The following DAB2IP variants were observed in gnomAD, a reference collection of about 807,000 sequenced individuals.
The protein encoded by DAB2IP is disabled homolog 2-interacting protein.
In DAB2IP, 28 loss-of-function variants were observed where a neutral mutation model predicts 107.2. That is an observed-to-expected ratio of 0.26 (90% CI 0.19 to 0.36). DAB2IP has a LOEUF of 0.36. Ranked by LOEUF, DAB2IP falls within the 10% of genes least tolerant of loss-of-function variation. DAB2IP has a pLI of 1.00. For missense variants in DAB2IP, 1,400 were observed against 1,644.7 expected (o/e 0.85, Z 2.57); for synonymous variants, 755 against 706.4 (o/e 1.07, Z -1.09).
chr9:121,728,720 G>A (rs572880575), intron 3 of DAB2IP, among the ~76,000 whole-genome samples: 3 of 152,060 alleles, frequency 2.0e-5, no homozygotes, highest in Non-Finnish European at 2.9e-5. Context: ...GGGCTGGGCA[G>A]GGGCTTCTTG....
chr9:121,580,582 G>A (rs948039884), intron 1 of DAB2IP, among the ~76,000 whole-genome samples: 5 of 152,048 alleles, frequency 3.3e-5, no homozygotes, highest in Admixed American at 3.3e-4. Context: ...GGAACCACAG[G>A]GGAAAGGCCT....
At chr9:121,620,395 A>G (rs1831421387) in intron 1 of DAB2IP, among the ~76,000 whole-genome samples, 1 of 152,180 alleles carries the variant, frequency 6.6e-6, no homozygotes. Context: ...CAGTGGTTAA[A>G]GGTGTGTGTG....
Position 121,678,782 on chromosome 9 carries a change from G to T in DAB2IP, c.228+1G>T. ...GGCCGCCACGCCGTTCCGGGTCACG[G>T]TAACTATCTCTGCGTCACCAACACC... On this transcript the variant is annotated splice_donor_variant, in intron 2 of 15. Coordinates refer to ENST00000408936, the Ensembl canonical transcript of DAB2IP. LOFTEE classifies it high-confidence loss of function. 1.3e-6 allele frequency: 2 copies of T among 1,581,784 alleles called. No individual in the cohort carries two copies. The highest frequency in any genetic ancestry group is 1.7e-6 in the Non-Finnish European group (2 of 1,162,594).
Position 121,762,786 on chromosome 9 carries a change from G to C in DAB2IP, c.1171-719G>C, listed in dbSNP as rs117234508. 9.8e-5 allele frequency among the ~76,000 whole-genome samples: 15 copies of C among 152,338 alleles called. No individual in the cohort carries two copies. In the East Asian group the frequency reaches 2.9e-3, roughly 29 times the overall value. ...AGGAGGTGGGGGCTTCTGAGGGAGG[G>C]TGTTAGTATCTGCATGGTTGCTAGA... On this transcript the variant is annotated intron_variant, in intron 6 of 15. Coordinates refer to ENST00000408936, the Ensembl canonical transcript of DAB2IP.
chr9:121,706,748 G>A (rs922811840), intron 3 of DAB2IP, among the ~76,000 whole-genome samples: 3 of 152,170 alleles, frequency 2.0e-5, no homozygotes, highest in African/African-American at 7.2e-5. Flanking sequence ...GATAGAGGTC[G>A]TCTCTGTCCT....
At chr9:121,621,753 TCTC>T (rs1205065435) in intron 1 of DAB2IP, among the ~76,000 whole-genome samples, 2 of 149,566 alleles carry the variant, frequency 1.3e-5, no homozygotes, top group African/African-American at 4.9e-5. Context: ...TTCAAGCAAT[TCTC>T]CTGCCTCCGC....
At chr9:121,757,111 A>G (rs557227543) in exon 4 of DAB2IP, 4 of 1,614,160 alleles carry the variant, frequency 2.5e-6, no homozygotes, top group Non-Finnish European at 2.5e-6. Flanking sequence ...ATGGAGGAAG[A>G]GGTGGTCATC....
chr9:121,611,922 C>A (rs1486053594), intron 1 of DAB2IP, among the ~76,000 whole-genome samples: 3 of 152,226 alleles, frequency 2.0e-5, no homozygotes, highest in Non-Finnish European at 4.4e-5. Flanking sequence ...GAACACAGTA[C>A]AGTGTCTGCA....
chr9:121,585,847 T>TTA (rs753845019), intron 1 of DAB2IP, among the ~76,000 whole-genome samples: 4 of 148,964 alleles, frequency 2.7e-5, no homozygotes, highest in Non-Finnish European at 4.5e-5. Flanking sequence ...GTTAGGGATT[T>TTA]AAAAAAAAAA....
chr9:121,725,763 T>C (rs1049052626), intron 3 of DAB2IP, among the ~76,000 whole-genome samples: 4 of 152,066 alleles, frequency 2.6e-5, no homozygotes, highest in Non-Finnish European at 5.9e-5. Flanking sequence ...TAGTTGGGTA[T>C]CACTGGGCAC....
intron 3 of DAB2IP, among the ~76,000 whole-genome samples, chr9:121,722,072 G>A (rs60500961): frequency 0.32 from 48,147 of 152,148 alleles, 8,377 homozygotes; most frequent in African/African-American, 0.48. Context: ...TGGCCAGGCA[G>A]GAGCTCAAGG....
intron 3 of DAB2IP, among the ~76,000 whole-genome samples, chr9:121,739,311 G>A (rs1360495901): frequency 6.6e-6 from 1 of 152,216 alleles, no homozygotes; most frequent in African/African-American, 2.4e-5. Flanking sequence ...GTGTGGTGGG[G>A]GGCGTTGGGT....
At chr9:121,586,323 A>G (rs997092111) in intron 1 of DAB2IP, among the ~76,000 whole-genome samples, 40 of 152,346 alleles carry the variant, frequency 2.6e-4, no homozygotes, top group African/African-American at 9.4e-4. Flanking sequence ...CGAAAATCAC[A>G]GGCTCATCGA....
At chr9:121,571,835 C>A (rs534017315) in intron 1 of DAB2IP, among the ~76,000 whole-genome samples, 1 of 151,968 alleles carries the variant, frequency 6.6e-6, no homozygotes, top group African/African-American at 2.4e-5. Flanking sequence ...ACAGCTGCAG[C>A]GAGGAGCAGA....
In DAB2IP at chr9:121,733,710, G is replaced by A. The variant is rs544893837; in HGVS notation, c.363-23303G>A. Reference sequence around the variant, plus strand: ...GCACTTTCCTGTGCCCGGGGCCACTGGGAAGGCTTCCCTCAGGTGGGGGCA... The same window carrying A: ...GCACTTTCCTGTGCCCGGGGCCACTAGGAAGGCTTCCCTCAGGTGGGGGCA... On this transcript the variant is annotated intron_variant, in intron 3 of 15. Transcript: ENST00000408936. Among the ~76,000 whole-genome samples the A allele has an allele frequency of 1.4e-3, 217 of 152,326 alleles. 1 individual carries two copies. Among genetic ancestry groups the A allele is most frequent in the African/African-American group, 4.8e-3 (201 of 41,564 alleles).
intron 3 of DAB2IP, chr9:121,750,886 A>G (rs1021939969): frequency 1.3e-5 from 2 of 154,104 alleles, no homozygotes; most frequent in African/African-American, 4.8e-5. Flanking sequence ...CAGTGTCCCC[A>G]TTGTTCTGCC....
rs1197848465 is a variant in DAB2IP at position 121,760,448 on chromosome 9, A to G, written c.1170+9A>G. Reference sequence around the variant, plus strand: ...GCACGGGCAAGGTGAAGGTGCGTGCAGGCCCCTCGGCTCCTGACACAGGCT... The same window carrying G: ...GCACGGGCAAGGTGAAGGTGCGTGCGGGCCCCTCGGCTCCTGACACAGGCT... On this transcript the variant is annotated intron_variant, in intron 6 of 15. Coordinates refer to ENST00000408936, the Ensembl canonical transcript of DAB2IP. The surrounding 1 kb of genome is among the most constrained non-coding windows in gnomAD (Gnocchi z 5.9). 2 of 1,580,548 alleles carry G rather than the reference A, an allele frequency of 1.3e-6. No homozygotes were observed. The highest frequency in any genetic ancestry group is 2.3e-5 in the South Asian group (2 of 87,194).
chr9:121,640,499 G>A (rs759800420), intron 1 of DAB2IP, among the ~76,000 whole-genome samples: 1 of 152,126 alleles, frequency 6.6e-6, no homozygotes, highest in Non-Finnish European at 1.5e-5. Context: ...GGCATCTGTT[G>A]CCCAAGCTGC....
Position 121,761,946 on chromosome 9 carries a change from TC to T in DAB2IP, c.1170+1510del, listed in dbSNP as rs560472225. Reference sequence around the variant, plus strand: ...GGGGCTGGCCTGGGAAGCGGATTCCTCCCTGAAGCAGCCTGAAATGATAGGT... The same window carrying T: ...GGGGCTGGCCTGGGAAGCGGATTCCTCCTGAAGCAGCCTGAAATGATAGGT... On this transcript the variant is annotated intron_variant, in intron 6 of 15. Transcript: ENST00000408936. Among the ~76,000 whole-genome samples the T allele has an allele frequency of 9.6e-4, 146 of 152,222 alleles. 1 individual carries two copies. Among genetic ancestry groups the T allele is most frequent in the East Asian group, 1.4e-3 (7 of 5,170 alleles).
Sources: gnomAD v4.1 joint callset for allele counts (sites outside exome capture counted in the v4.1 genomes callset) on GRCh38, gnomAD v4.1.1 for gene constraint, Gnocchi (gnomAD v3.1) non-coding constraint, MANE v1.5 for transcripts, NCBI Gene and HGNC (gene_info 2026-07-23, HGNC 2026-07-21) for gene names.